Variants in CCBE1 observed in about 807,000 individuals in gnomAD.
The protein encoded by CCBE1 is collagen and calcium binding EGF domains 1.
Under a neutral mutation model 50.0 loss-of-function variants are expected in CCBE1, and 37 were observed. That is an observed-to-expected ratio of 0.74 (90% CI 0.57 to 0.97). The LOEUF (loss-of-function observed/expected upper bound fraction) is 0.97. CCBE1 is among the 50% of genes least tolerant of loss of function. The pLI, the probability that CCBE1 is intolerant of heterozygous loss-of-function variation, is 0.00. For synonymous variants in CCBE1, 234 were observed against 203.7 expected, an observed-to-expected ratio of 1.15 and a Z score of -1.27; for missense variants, 538 against 523.8, an observed-to-expected ratio of 1.03 and a Z score of -0.26.
chr18:59,580,212 C>G (rs1312281489), intron 2 of CCBE1, among the ~76,000 whole-genome samples: 1 of 152,210 alleles, frequency 6.6e-6, no homozygotes, highest in African/African-American at 2.4e-5. Context: ...GAAATAAACA[C>G]ATATCTGATC....
rs1182032349 is a variant in CCBE1 at position 59,431,973 on chromosome 18, G to A, written c.*3935C>T. On this transcript the variant is annotated 3_prime_UTR_variant, in exon 11 of 11. Transcript: ENST00000439986. Reference sequence around the variant, plus strand: ...CCTCCATGTACTATTTTCTTTTTTCGAGACGGAGTCTCACTCTGTAGCCAG... The same window carrying A: ...CCTCCATGTACTATTTTCTTTTTTCAAGACGGAGTCTCACTCTGTAGCCAG... 2.6e-5 allele frequency: 4 copies of A among 152,216 alleles called. No homozygotes were observed. The highest frequency in any genetic ancestry group is 1.9e-4 in the East Asian group (1 of 5,168). The allele number at this position is 152,216 out of a possible 1,614,324, so 9.4% of individuals were successfully genotyped here.
chr18:59,506,894 A>G (rs1209453805), intron 2 of CCBE1, among the ~76,000 whole-genome samples: 1 of 152,206 alleles, frequency 6.6e-6, no homozygotes, highest in Non-Finnish European at 1.5e-5. Context: ...GTCTCCCCAG[A>G]TATAGAAGAT....
chr18:59,629,860 T>C (rs756369944), intron 2 of CCBE1, among the ~76,000 whole-genome samples: 2 of 152,154 alleles, frequency 1.3e-5, no homozygotes, highest in Non-Finnish European at 2.9e-5. Flanking sequence ...GGAGGGCTCA[T>C]GGAGGATGTG....
At chr18:59,633,872 G>A (rs1354947531) in intron 2 of CCBE1, among the ~76,000 whole-genome samples, 1 of 152,064 alleles carries the variant, frequency 6.6e-6, no homozygotes, top group Non-Finnish European at 1.5e-5. Context: ...CCAAAACAAA[G>A]GTGATATCTT....
rs138393785 is a variant in CCBE1 at position 59,576,285 on chromosome 18, T to G, written c.213-96047A>C. ...AAATGTTTTCATTTCACTTGGGTAC[T>G]CAAGAACAGAGCTGCCAGGTCACTT... On this transcript the variant is annotated intron_variant, in intron 2 of 10. Transcript: ENST00000439986. Among the ~76,000 whole-genome samples, 300 of 152,346 alleles carry G rather than the reference T, an allele frequency of 2.0e-3. 4 individuals are homozygous for G. The East Asian group carries it at 0.03, about 15-fold the overall frequency.
chr18:59,512,904 A>G (rs1300382008), intron 2 of CCBE1, among the ~76,000 whole-genome samples: 4 of 152,200 alleles, frequency 2.6e-5, no homozygotes, highest in African/African-American at 9.7e-5. Flanking sequence ...ACAGCCTGAG[A>G]AACCTGGGCA....
chr18:59,549,516 C>T lies in CCBE1; in HGVS notation c.213-69278G>A, dbSNP rs564790140. Among the ~76,000 whole-genome samples, 5 of 152,216 alleles carry T rather than the reference C, an allele frequency of 3.3e-5. No homozygotes were observed. The East Asian group carries it at 5.8e-4, about 18-fold the overall frequency. On this transcript the variant is annotated intron_variant, in intron 2 of 10. Coordinates refer to ENST00000439986, the MANE Select transcript of CCBE1 (RefSeq NM_133459.4). ...TTAAAATAAACTCCATCTGGTGCAC[C>T]GGGGCTCAGGAAGGTAACCTCTGTC...
At chr18:59,697,075 G>T in intron 1 of CCBE1, 137 bp downstream of exon 1, 1 of 1,205,024 alleles carries the variant, frequency 8.3e-7, no homozygotes, top group Non-Finnish European at 1.2e-6. Flanking sequence ...GGACAGCTGA[G>T]CACTCTCCTT....
chr18:59,590,504 G>A (rs2053248271), intron 2 of CCBE1, among the ~76,000 whole-genome samples: 1 of 151,892 alleles, frequency 6.6e-6, no homozygotes, highest in African/African-American at 2.4e-5. Context: ...GTTTTTTTAT[G>A]GAGCTAGGCA....
chr18:59,604,943 C>T (rs533214243), intron 2 of CCBE1, among the ~76,000 whole-genome samples: 14 of 152,304 alleles, frequency 9.2e-5, no homozygotes, highest in South Asian at 2.1e-4. Flanking sequence ...GTAGGGGATC[C>T]GGCAGCTCCA....
At chr18:59,541,262 G>A (rs1196228466) in intron 2 of CCBE1, among the ~76,000 whole-genome samples, 3 of 152,200 alleles carry the variant, frequency 2.0e-5, no homozygotes, top group East Asian at 3.8e-4. Flanking sequence ...AGTACTCTAA[G>A]TCAGAGAAGA....
intron 2 of CCBE1, among the ~76,000 whole-genome samples, chr18:59,561,492 C>A (rs115402342): frequency 0.026 from 3,894 of 152,286 alleles, 146 homozygotes; most frequent in African/African-American, 0.079. Flanking sequence ...AGAGTGCAGG[C>A]GTGTAACTCC....
At chr18:59,575,824 G>A (rs1295515865) in intron 2 of CCBE1, among the ~76,000 whole-genome samples, 3 of 152,200 alleles carry the variant, frequency 2.0e-5, no homozygotes, top group African/African-American at 4.8e-5. Flanking sequence ...TACTGGGTAA[G>A]AGCCCCTCCC....
intron 2 of CCBE1, among the ~76,000 whole-genome samples, chr18:59,622,360 G>A (rs1162782148): frequency 2.0e-5 from 3 of 152,152 alleles, no homozygotes; most frequent in Admixed American, 6.5e-5. Flanking sequence ...GCTGGGTGTG[G>A]TGGCGGGTGC....
intron 5 of CCBE1, 172 bp from the exon 6 acceptor site, chr18:59,455,123 T>G: frequency 1.4e-6 from 1 of 694,800 alleles, no homozygotes. Flanking sequence ...TGCCCCAGGG[T>G]CAGGGAAGAG....
At chr18:59,599,323 A>G (rs1392615512) in intron 2 of CCBE1, among the ~76,000 whole-genome samples, 3 of 152,170 alleles carry the variant, frequency 2.0e-5, no homozygotes, top group Non-Finnish European at 4.4e-5. Flanking sequence ...TTTAGAACTA[A>G]TTTTAAAAGA....
intron 2 of CCBE1, among the ~76,000 whole-genome samples, chr18:59,518,362 G>A (rs867161706): frequency 1.3e-5 from 2 of 152,120 alleles, no homozygotes; most frequent in Non-Finnish European, 2.9e-5. Context: ...GACGACGCAC[G>A]TGCCTGTAAT....
intron 2 of CCBE1, among the ~76,000 whole-genome samples, chr18:59,484,767 C>G (rs1039142807): frequency 6.6e-6 from 1 of 152,150 alleles, no homozygotes; most frequent in Non-Finnish European, 1.5e-5. Context: ...GATTCCAGTG[C>G]GCCCTTCTGT....
chr18:59,676,020 T>C (rs2054496970), intron 2 of CCBE1, among the ~76,000 whole-genome samples: 1 of 152,172 alleles, frequency 6.6e-6, no homozygotes, highest in South Asian at 2.1e-4. Context: ...AAGCAAACAG[T>C]GGCAAAAACA....
Sources: gnomAD v4.1 joint callset for allele counts (sites outside exome capture counted in the v4.1 genomes callset) on GRCh38, gnomAD v4.1.1 for gene constraint, MANE v1.5 for transcripts, NCBI Gene and HGNC (gene_info 2026-07-23, HGNC 2026-07-21) for gene names.